Variants in PRX observed in about 807,000 individuals in gnomAD.
PRX encodes periaxin.
PRX carries 24 observed loss-of-function variants against 29.6 expected under a neutral mutation model. The ratio of observed to expected loss-of-function variants is 0.81; its 90% CI spans 0.59 to 1.14. PRX has a LOEUF of 1.14. PRX is among the 50% of genes most tolerant of loss of function. PRX has a pLI of 0.00. For synonymous variants in PRX, 772 were observed against 831.7 expected, an observed-to-expected ratio of 0.93 and a Z score of 1.24; for missense variants, 1,838 against 1,926.4, an observed-to-expected ratio of 0.95 and a Z score of 0.86.
Position 40,395,228 on chromosome 19 carries a change from C to T in PRX, c.3124G>A (p.Val1042Met), listed in dbSNP as rs947190221. Residue 1042 changes from valine (V) to methionine (M), a missense_variant, in exon 7 of 7, where the codon GTG becomes ATG. By Grantham distance (21) the Val-to-Met change is conservative. Transcript: ENST00000324001. ...CAGCCCTTGCCCTCCAACTCAGCCA[C>T]CCCTGGCACTAGTTCTGCTGCCTCA... ...DTEAAELVPG[V>M]AELEGKGWGW... 28 of 1,613,948 alleles carry T rather than the reference C, an allele frequency of 1.7e-5. No individual in the cohort carries two copies. Among genetic ancestry groups the T allele is most frequent in the Non-Finnish European group, 2.3e-5 (27 of 1,180,018 alleles).
chr19:40,403,579 T>A, intron 5 of PRX, 127 bp downstream of exon 5: 1 of 1,232,514 alleles, frequency 8.1e-7, no homozygotes, highest in Non-Finnish European at 1.1e-6. Context: ...CCCCAAGCCC[T>A]TAACCCCTCC....
chr19:40,400,403 A>G (rs1262016514), intron 5 of PRX, among the ~76,000 whole-genome samples: 1 of 143,692 alleles, frequency 7.0e-6, no homozygotes. Context: ...GACCAGCCTG[A>G]CCAATATGGA....
chr19:40,404,307 G>A (rs975970915), intron 4 of PRX, among the ~76,000 whole-genome samples: 4 of 152,130 alleles, frequency 2.6e-5, no homozygotes, highest in South Asian at 2.1e-4. Context: ...GGGGTTAGGG[G>A]AGGAGACGGG....
intron 5 of PRX, among the ~76,000 whole-genome samples, chr19:40,399,649 C>T (rs2079473957): frequency 6.6e-6 from 1 of 152,176 alleles, no homozygotes; most frequent in Non-Finnish European, 1.5e-5. Context: ...GGTGCTACAC[C>T]CTCTGGAGCG....
At chr19:40,406,771 C>CTTTTT (rs59493934) in intron 4 of PRX, among the ~76,000 whole-genome samples, 11 of 121,362 alleles carry the variant, frequency 9.1e-5, no homozygotes, top group African/African-American at 2.4e-4. Flanking sequence ...ACCTCCATTT[C>CTTTTT]TTTTTTTTTT....
chr19:40,402,702 G>A, intron 5 of PRX, among the ~76,000 whole-genome samples: 1 of 148,948 alleles, frequency 6.7e-6, no homozygotes, highest in Non-Finnish European at 1.5e-5. Context: ...GTGAACCCGG[G>A]AGGCGGAGCT....
chr19:40,413,054 A>T (rs1261111959), intron 1 of PRX, among the ~76,000 whole-genome samples: 1 of 152,014 alleles, frequency 6.6e-6, no homozygotes, highest in Non-Finnish European at 1.5e-5. Flanking sequence ...GCAGCAACTC[A>T]TTTACTCGGC....
intron 4 of PRX, among the ~76,000 whole-genome samples, chr19:40,404,254 C>T (rs929818033): frequency 1.3e-5 from 2 of 152,070 alleles, no homozygotes; most frequent in African/African-American, 4.8e-5. Flanking sequence ...AACAGCTCCG[C>T]GGGCCGGCTG....
Position 40,395,431 on chromosome 19 carries a change from T to A in PRX, c.2921A>T (p.Glu974Val). ...ISLPKARVGA[E>V]AEAKGAGEAG... Reference sequence around the variant, plus strand: ...CTCCCCAGCCCCTTTGGCCTCAGCCTCAGCCCCCACCCGAGCCTTGGGGAG... The same window carrying A: ...CTCCCCAGCCCCTTTGGCCTCAGCCACAGCCCCCACCCGAGCCTTGGGGAG... Residue 974 changes from glutamate to valine, a missense_variant, in exon 7 of 7, where the codon GAG becomes GTG. This residue lies in a region of PRX where 1,143 missense variants were observed against 1,193.0 expected (regional missense o/e 0.96). Coordinates refer to ENST00000324001, the MANE Select transcript of PRX (RefSeq NM_181882.3). The A allele has an allele frequency of 6.2e-7, 1 of 1,613,956 alleles. No homozygotes were observed. Among genetic ancestry groups the A allele is most frequent in the Non-Finnish European group, 8.5e-7 (1 of 1,179,966 alleles).
chr19:40,398,688 G>A lies in PRX; in HGVS notation c.313C>T (p.Leu105=). ...GACACGGTCCCGGGCCGCAGAGCCAGGTCCCCGGTGGGCACAGTGCGCTTC... is the reference window on the plus strand; with the variant it reads ...GACACGGTCCCGGGCCGCAGAGCCAAGTCCCCGGTGGGCACAGTGCGCTTC... ...CLKRTVPTGD[L]ALRPGTVSGY... Residue 105 remains leucine (L), a synonymous_variant, in exon 6 of 7, where the codon CTG becomes TTG. Transcript: ENST00000324001. The surrounding 1 kb of genome is among the most constrained non-coding windows in gnomAD (Gnocchi z 6.3). 6.2e-7 allele frequency: 1 copy of A among 1,614,068 alleles called. No individual in the cohort carries two copies. The highest frequency in any genetic ancestry group is 8.5e-7 in the Non-Finnish European group (1 of 1,179,956).
In PRX at chr19:40,395,577, G is replaced by C; in HGVS notation, c.2775C>G (p.Val925=). 6.2e-7 allele frequency: 1 copy of C among 1,614,182 alleles called. No individual in the cohort carries two copies. The highest frequency in any genetic ancestry group is 2.2e-5 in the East Asian group (1 of 44,878). ...EGRLEMIETK[V]KPSSKFSLPK... ...GTAAGGAGAACTTGGAAGAGGGCTT[G>C]ACTTTTGTCTCTATCATCTCCAGCC... Residue 925 remains valine (V), a synonymous_variant, in exon 7 of 7, where the codon GTC becomes GTG. Transcript: ENST00000324001.
At chr19:40,414,106 A>C (rs1421560167), upstream of PRX, among the ~76,000 whole-genome samples, 2 of 152,098 alleles carry the variant, frequency 1.3e-5, no homozygotes, top group Non-Finnish European at 2.9e-5. Flanking sequence ...TCAAGGGTGT[A>C]AAATGGGCTC....
At chr19:40,401,678 G>A (rs1312934526) in intron 5 of PRX, among the ~76,000 whole-genome samples, 1 of 151,834 alleles carries the variant, frequency 6.6e-6, no homozygotes, top group South Asian at 2.1e-4. Flanking sequence ...GTCCCACCTT[G>A]GGGCATTTTT....
At chr19:40,401,352 G>A (rs1216531012) in intron 5 of PRX, among the ~76,000 whole-genome samples, 1 of 148,642 alleles carries the variant, frequency 6.7e-6, no homozygotes, top group Admixed American at 6.6e-5. Flanking sequence ...GAGTGCAGTG[G>A]TGTGATCATG....
In PRX at chr19:40,407,894, G is replaced by A. The variant is rs376353333; in HGVS notation, c.27+12C>T. The A allele has an allele frequency of 2.4e-5, 39 of 1,613,228 alleles. No individual in the cohort carries two copies. The highest frequency in any genetic ancestry group is 1.7e-4 in the African/African-American group (13 of 74,936). ...CCCTCAAGTGCGCCTTGCAGGACACGTGGGCACTCACCTCGGCACTCCGGC... is the reference window on the plus strand; with the variant it reads ...CCCTCAAGTGCGCCTTGCAGGACACATGGGCACTCACCTCGGCACTCCGGC... On this transcript the variant is annotated intron_variant, in intron 4 of 6. Coordinates refer to ENST00000324001, the MANE Select transcript of PRX (RefSeq NM_181882.3).
chr19:40,407,766 TA>T, intron 4 of PRX, 139 bp downstream of exon 4: 1 of 1,241,234 alleles, frequency 8.1e-7, no homozygotes. Flanking sequence ...CAGTGACCCA[TA>T]AAATAGACCC....
In PRX at chr19:40,396,630, CAGCTGCACCTCTGGA is replaced by C; in HGVS notation, c.1707_1721del (p.Glu571_Pro575del). On this transcript the variant is annotated inframe_deletion, in exon 7 of 7. Transcript: ENST00000324001. ...GGACTTTCATCTCTGGCACTTTCGG[CAGCTGCACCTCTGGA>C]AGCCGCACCTCTGGCACAGCCACCT... The C allele has an allele frequency of 6.2e-7, 1 of 1,614,096 alleles. No homozygotes were observed. The highest frequency in any genetic ancestry group is 8.5e-7 in the Non-Finnish European group (1 of 1,180,020).
At chr19:40,403,961 T>TTA in intron 4 of PRX, 99 bp from the exon 5 acceptor site, 1 of 1,303,400 alleles carries the variant, frequency 7.7e-7, no homozygotes, top group Non-Finnish European at 1.1e-6. Flanking sequence ...ATATATATGT[T>TTA]TATATATATT....
In PRX at chr19:40,396,179, G is replaced by A. The variant is rs1387072587; in HGVS notation, c.2173C>T (p.Pro725Ser). Residue 725 changes from proline (P) to serine (S), a missense_variant, in exon 7 of 7, where the codon CCA (proline) becomes TCA (serine). By Grantham distance (74) the Pro-to-Ser change is moderately conservative. Transcript: ENST00000324001. ...CEMKVPDMKL[P>S]EIKLPKVPEM... ...GGCACCTTGGGGAGTTTTATCTCTG[G>A]GAGCTTCATGTCAGGGACTTTCATT... The A allele has an allele frequency of 1.9e-6, 3 of 1,611,836 alleles. No individual in the cohort carries two copies. Among genetic ancestry groups the A allele is most frequent in the Non-Finnish European group, 2.5e-6 (3 of 1,179,034 alleles).
Sources: allele counts gnomAD v4.1 joint callset (sites outside exome capture counted in the v4.1 genomes callset), GRCh38; gene constraint gnomAD v4.1.1; regional missense constraint gnomAD v4.1.1; non-coding constraint Gnocchi (gnomAD v3.1); transcripts MANE v1.5; gene names NCBI Gene and HGNC (gene_info 2026-07-23, HGNC 2026-07-21).